The following PCDHGC4 variants were observed in gnomAD, a reference collection of about 807,000 sequenced individuals.
PCDHGC4 encodes protocadherin gamma subfamily C, 4, also known as protocadherin gamma-C4.
In PCDHGC4, 15 loss-of-function variants were observed where a neutral mutation model predicts 59.7. That is an observed-to-expected ratio of 0.25 (90% confidence interval 0.17 to 0.39). The LOEUF (loss-of-function observed/expected upper bound fraction) is 0.39, where lower values mean the gene tolerates loss of function less well. Ranked by LOEUF, PCDHGC4 falls within the 10% of genes least tolerant of loss-of-function variation. The pLI, the probability that PCDHGC4 is intolerant of heterozygous loss-of-function variation, is 1.00. For missense variants in PCDHGC4, 1,016 were observed against 1,189.5 expected (o/e 0.85, Z 2.15); for synonymous variants, 434 against 481.4 (o/e 0.90, Z 1.29).
intron 3 of PCDHGC4, chr5:141,506,955 C>T (rs1387377785): frequency 2.6e-5 from 4 of 152,362 alleles, no homozygotes; most frequent in South Asian, 2.1e-4. Context: ...AATGAATCCT[C>T]TCAATAGCTC....
At chr5:141,500,615 A>G (rs1341597957) in intron 2 of PCDHGC4, among the ~76,000 whole-genome samples, 1 of 152,232 alleles carries the variant, frequency 6.6e-6, no homozygotes, top group East Asian at 1.9e-4. Flanking sequence ...ATTCCCAGTC[A>G]TACGGTACAT....
chr5:141,487,022 A>T lies in PCDHGC4; in HGVS notation c.1849A>T (p.Ser617Cys). ...SYQLLEAPDP[S>C]LFAVSRYAGE... ...TCAGCTCCTGGAGGCCCCAGATCCC[A>T]GCCTGTTTGCAGTCTCTCGATATGC... The change falls in exon 1 of 4, where the codon AGC (serine) becomes TGC (cysteine). Residue 617 changes from serine (S) to cysteine (C), a missense_variant. Coordinates refer to ENST00000306593, the MANE Select transcript of PCDHGC4 (RefSeq NM_018928.3). The surrounding 1 kb of genome is among the most constrained non-coding windows in gnomAD (Gnocchi z 5.0). The T allele has an allele frequency of 1.2e-6, 2 of 1,614,212 alleles. No homozygotes were observed. Among genetic ancestry groups the T allele is most frequent in the Non-Finnish European group, 1.7e-6 (2 of 1,180,048 alleles).
Position 141,489,358 on chromosome 5 carries a change from G to C in PCDHGC4, c.2442+1743G>C. 1 of 1,613,144 alleles carries C rather than the reference G, an allele frequency of 6.2e-7. No homozygotes were observed. The highest frequency in any genetic ancestry group is 1.7e-4 in the Middle Eastern group (1 of 6,052). On this transcript the variant is annotated intron_variant, in intron 1 of 3. Coordinates refer to ENST00000306593, the MANE Select transcript of PCDHGC4 (RefSeq NM_018928.3). The surrounding 1 kb of genome is among the most constrained non-coding windows in gnomAD (Gnocchi z 4.5). ...TCGTTACTCAGTGGTGGAGGAGTCT[G>C]AGCCGGGGACGCTGGTGGGGAATGT...
Position 141,489,941 on chromosome 5 carries a change from A to G in PCDHGC4, c.2442+2326A>G. Reference sequence around the variant, plus strand: ...ACCCTTATCTCTGTCATCGTGCTGGACATCAATGATAATGCTCCAACCTTC... The same window carrying G: ...ACCCTTATCTCTGTCATCGTGCTGGGCATCAATGATAATGCTCCAACCTTC... On this transcript the variant is annotated intron_variant, in intron 1 of 3. Transcript: ENST00000306593. The surrounding 1 kb of genome is among the most constrained non-coding windows in gnomAD (Gnocchi z 4.5). 1.2e-6 allele frequency: 2 copies of G among 1,614,228 alleles called. No homozygotes were observed. The highest frequency in any genetic ancestry group is 1.7e-6 in the Non-Finnish European group (2 of 1,180,034).
intron 2 of PCDHGC4, among the ~76,000 whole-genome samples, chr5:141,500,421 G>A (rs1247202322): frequency 6.6e-6 from 1 of 151,852 alleles, no homozygotes; most frequent in Non-Finnish European, 1.5e-5. Flanking sequence ...GTGTTAGCCA[G>A]GATGGTCTCG....
chr5:141,505,960 G>A (rs2099849410), intron 3 of PCDHGC4, among the ~76,000 whole-genome samples: 1 of 152,202 alleles, frequency 6.6e-6, no homozygotes, highest in Non-Finnish European at 1.5e-5. Context: ...AGTGGGTGTA[G>A]AAATCCCCAG....
chr5:141,491,901 G>C lies in PCDHGC4; in HGVS notation c.2443-2906G>C, dbSNP rs1196717010. 1 of 1,429,696 alleles carries C rather than the reference G, an allele frequency of 7.0e-7. No homozygotes were observed. The highest frequency in any genetic ancestry group is 9.3e-7 in the Non-Finnish European group (1 of 1,080,148). 88.6% of individuals were successfully genotyped at this position (1,429,696 alleles called of 1,614,324 possible). ...AAGGGATGGGGCTCCGAGCACCGGG[G>C]GTGGTGGCGACTGTGGGCGAGGGGA... On this transcript the variant is annotated intron_variant, in intron 1 of 3. Transcript: ENST00000306593. The surrounding 1 kb of genome is among the most constrained non-coding windows in gnomAD (Gnocchi z 6.9).
chr5:141,489,994 C>A lies in PCDHGC4; in HGVS notation c.2442+2379C>A, dbSNP rs1307285048. The A allele has an allele frequency of 1.2e-5, 19 of 1,614,192 alleles. No individual in the cohort carries two copies. The highest frequency in any genetic ancestry group is 1.6e-4 in the Middle Eastern group (1 of 6,062). On this transcript the variant is annotated intron_variant, in intron 1 of 3. Transcript: ENST00000306593. This position sits in a 1 kb window ranked among gnomAD's most constrained non-coding sequence, Gnocchi z 4.5. Reference sequence around the variant, plus strand: ...ATCCTCAGTTCTACGTGTGGGAATCCCAGAGAATGCACCCATTGGTACTCT... The same window carrying A: ...ATCCTCAGTTCTACGTGTGGGAATCACAGAGAATGCACCCATTGGTACTCT...
chr5:141,507,504 C>T (rs1443873775), intron 3 of PCDHGC4, among the ~76,000 whole-genome samples: 1 of 152,138 alleles, frequency 6.6e-6, no homozygotes, highest in Admixed American at 6.5e-5. Flanking sequence ...TGTCCCAGGT[C>T]TGGTGGGGCT....
In PCDHGC4 at chr5:141,485,770, T is replaced by A. The variant is rs1199757869; in HGVS notation, c.597T>A (p.Pro199=). The A allele has an allele frequency of 6.2e-7, 1 of 1,614,180 alleles. No homozygotes were observed. The highest frequency in any genetic ancestry group is 1.1e-5 in the South Asian group (1 of 91,080). Residue 199 remains proline (P), a synonymous_variant, in exon 1 of 4, where the codon CCT becomes CCA. Transcript: ENST00000306593. This position sits in a 1 kb window ranked among gnomAD's most constrained non-coding sequence, Gnocchi z 5.7. ...SLVPELLLEK[P]LDREKQSDYR... ...TCCCAGAGCTGCTCCTGGAGAAGCC[T>A]TTGGATCGAGAGAAGCAATCGGACT... is the stretch of plus-strand genomic sequence containing the variant.
In PCDHGC4 at chr5:141,490,755, C is replaced by T; in HGVS notation, c.2442+3140C>T. ...AGGTTCAGGGAGCCCCAGCCTCCTC[C>T]TTTGTGTATGTCAACCCAGAGGATG... On this transcript the variant is annotated intron_variant, in intron 1 of 3. Transcript: ENST00000306593. This position sits in a 1 kb window ranked among gnomAD's most constrained non-coding sequence, Gnocchi z 5.4. 1 of 1,614,190 alleles carries T rather than the reference C, an allele frequency of 6.2e-7. No individual in the cohort carries two copies. Among genetic ancestry groups the T allele is most frequent in the Non-Finnish European group, 8.5e-7 (1 of 1,180,026 alleles).
chr5:141,490,497 C>G lies in PCDHGC4; in HGVS notation c.2442+2882C>G. The stretch of plus-strand genomic sequence containing the variant: ...CTTTGGACCGGGAGGCCACATCCCA[C>G]TATATCATCGAGCTGCTGGCCAGCG... On this transcript the variant is annotated intron_variant, in intron 1 of 3. Transcript: ENST00000306593. The surrounding 1 kb of genome is among the most constrained non-coding windows in gnomAD (Gnocchi z 5.4). 6.2e-7 allele frequency: 1 copy of G among 1,614,196 alleles called. No individual in the cohort carries two copies. Among genetic ancestry groups the G allele is most frequent in the South Asian group, 1.1e-5 (1 of 91,084 alleles).
chr5:141,497,877 G>C (rs1057284578), intron 2 of PCDHGC4, among the ~76,000 whole-genome samples: 6 of 152,148 alleles, frequency 3.9e-5, no homozygotes, highest in Admixed American at 2.6e-4. Context: ...AGTGAAATAA[G>C]CGTTAGGATC....
chr5:141,503,260 C>A (rs2154593294), intron 2 of PCDHGC4, among the ~76,000 whole-genome samples: 1 of 152,178 alleles, frequency 6.6e-6, no homozygotes, highest in African/African-American at 2.4e-5. Flanking sequence ...ACAGCCACAA[C>A]CCCAGCACCT....
At chr5:141,504,134 A>G (rs73280371) in intron 2 of PCDHGC4, among the ~76,000 whole-genome samples, 139 of 152,168 alleles carry the variant, frequency 9.1e-4, no homozygotes, top group African/African-American at 3.1e-3. Flanking sequence ...TCCCGCCAAC[A>G]CTCCCCTGCA....
At position 141,486,637 on chromosome 5, in the gene PCDHGC4, G is replaced by C. The variant is rs761072169; in HGVS notation, c.1464G>C (p.Ala488=). 28 of 1,613,638 alleles carry C rather than the reference G, an allele frequency of 1.7e-5. No homozygotes were observed. The highest frequency in any genetic ancestry group is 1.1e-5 in the Non-Finnish European group (13 of 1,180,034). ...CTGACCCAGACTCTGGCTTGAATGC[G>C]CTTATCTCCTACTCACTCCTGGAGC... The part of the protein sequence containing the change: ...AASDPDSGLN[A]LISYSLLEPR... Residue 488 remains alanine, a synonymous_variant, in exon 1 of 4, where the codon GCG becomes GCC. Transcript: ENST00000306593. This position sits in a 1 kb window ranked among gnomAD's most constrained non-coding sequence, Gnocchi z 5.0.
At chr5:141,499,247 A>C (rs908111927) in intron 2 of PCDHGC4, among the ~76,000 whole-genome samples, 1 of 152,036 alleles carries the variant, frequency 6.6e-6, no homozygotes, top group Non-Finnish European at 1.5e-5. Flanking sequence ...CTCTGCACAA[A>C]GAGTCTCCAT....
chr5:141,485,525 C>A lies in PCDHGC4; in HGVS notation c.352C>A (p.Arg118=). The change falls in exon 1 of 4, where the codon CGA becomes AGA. Residue 118 remains arginine, a synonymous_variant. Transcript: ENST00000306593. This position sits in a 1 kb window ranked among gnomAD's most constrained non-coding sequence, Gnocchi z 5.7. ...CACCGAAGGTCCTTTGGAAATGTAC[C>A]GAGCAGAGGTAGAGATCGTAGATGT... ...FVTEGPLEMY[R]AEVEIVDVND... is the part of the protein sequence containing the mutation. The A allele has an allele frequency of 5.6e-6, 9 of 1,614,122 alleles. No individual in the cohort carries two copies. Among genetic ancestry groups the A allele is most frequent in the Non-Finnish European group, 7.6e-6 (9 of 1,180,022 alleles).
chr5:141,511,328 A>G lies in PCDHGC4; in HGVS notation c.*155A>G. On this transcript the variant is annotated 3_prime_UTR_variant, in exon 4 of 4. Transcript: ENST00000306593. Reference sequence around the variant, plus strand: ...CCTTGGGAAACAGAAACAAGTGCCCAGTCAGCACCTACCCCTTCCCCCCCA... The same window carrying G: ...CCTTGGGAAACAGAAACAAGTGCCCGGTCAGCACCTACCCCTTCCCCCCCA... The G allele has an allele frequency of 6.9e-7, 1 of 1,456,862 alleles. No individual in the cohort carries two copies. Among genetic ancestry groups the G allele is most frequent in the Non-Finnish European group, 9.1e-7 (1 of 1,093,622 alleles). 90.2% of individuals were successfully genotyped at this position (1,456,862 alleles called of 1,614,324 possible).
Sources: allele counts gnomAD v4.1 joint callset (sites outside exome capture counted in the v4.1 genomes callset), GRCh38; gene constraint gnomAD v4.1.1; non-coding constraint Gnocchi (gnomAD v3.1); transcripts MANE v1.5; gene names NCBI Gene and HGNC (gene_info 2026-07-23, HGNC 2026-07-21).